The following ADGRB3 variants were observed in gnomAD, a reference collection of about 807,000 sequenced individuals.
The protein encoded by ADGRB3 is brain-specific angiogenesis inhibitor 3.
Under a neutral mutation model 193.4 loss-of-function variants are expected in ADGRB3, and 37 were observed. The observed-to-expected ratio is 0.19, with a 90% CI of 0.15 to 0.25. ADGRB3 has a LOEUF of 0.25. Ranked by LOEUF, ADGRB3 falls within the 10% of genes least tolerant of loss-of-function variation. The pLI is 1.00. For missense variants in ADGRB3, 1,637 were observed against 1,852.9 expected, an observed-to-expected ratio of 0.88 and a Z score of 2.14; for synonymous variants, 690 against 644.2, an observed-to-expected ratio of 1.07 and a Z score of -1.08.
Position 68,643,995 on chromosome 6 carries a change from T to TAAAC in ADGRB3, c.757+4578_757+4581dup, listed in dbSNP as rs905272391. Among the ~76,000 whole-genome samples, 17 of 145,768 alleles carry TAAAC rather than the reference T, an allele frequency of 1.2e-4. 1 individual carries two copies. Among genetic ancestry groups the TAAAC allele is most frequent in the South Asian group, 8.7e-4 (4 of 4,600 alleles). On this transcript the variant is annotated intron_variant, in intron 3 of 31. Coordinates refer to ENST00000370598, the MANE Select transcript of ADGRB3 (RefSeq NM_001704.3). ...AGTTCTTCAAGTAAAATAAAAACAA[T>TAAAC]AAACAAACAAACAAACAACAAACAA... is the stretch of plus-strand genomic sequence containing the variant.
chr6:68,717,357 G>A lies in ADGRB3; in HGVS notation c.757+77925G>A, dbSNP rs548427938. ...CCAATTCAAATTATATTCAATAAAA[G>A]CCTTGGCATTAAAAACGATATGTTT... On this transcript the variant is annotated intron_variant, in intron 3 of 31. Coordinates refer to ENST00000370598, the MANE Select transcript of ADGRB3 (RefSeq NM_001704.3). Among the ~76,000 whole-genome samples the A allele has an allele frequency of 4.6e-5, 7 of 151,684 alleles. No homozygotes were observed. In the South Asian group the frequency reaches 1.5e-3, roughly 31 times the overall value.
chr6:69,256,821 T>G (rs982627819), intron 20 of ADGRB3, among the ~76,000 whole-genome samples: 9 of 152,350 alleles, frequency 5.9e-5, no homozygotes, highest in East Asian at 3.9e-4. Context: ...GCCCATTCTG[T>G]ATGATATTGG....
intron 17 of ADGRB3, among the ~76,000 whole-genome samples, chr6:69,182,689 C>T (rs1223074378): frequency 6.6e-6 from 1 of 152,016 alleles, no homozygotes; most frequent in African/African-American, 2.4e-5. Flanking sequence ...AAACACCTAT[C>T]ATAGAAGTAA....
chr6:69,030,093 T>C (rs973838703), intron 13 of ADGRB3, among the ~76,000 whole-genome samples: 5 of 151,280 alleles, frequency 3.3e-5, no homozygotes, highest in African/African-American at 1.2e-4. Context: ...AGAATGGCAA[T>C]CATTAAAAAG....
At chr6:69,024,896 T>C (rs949155640) in intron 13 of ADGRB3, among the ~76,000 whole-genome samples, 8 of 151,860 alleles carry the variant, frequency 5.3e-5, no homozygotes, top group Middle Eastern at 3.2e-3. Context: ...ATCGAGACCA[T>C]CCTGGCTAAC....
chr6:69,091,649 G>A (rs568956004), intron 17 of ADGRB3, among the ~76,000 whole-genome samples: 3 of 152,222 alleles, frequency 2.0e-5, no homozygotes, highest in Admixed American at 6.5e-5. Context: ...GAGGCTGGCG[G>A]GTGGGAGGAG....
intron 30 of ADGRB3, among the ~76,000 whole-genome samples, chr6:69,377,342 C>T (rs1414333711): frequency 2.6e-5 from 4 of 152,014 alleles, no homozygotes; most frequent in Non-Finnish European, 5.9e-5. Flanking sequence ...CTGTCAGTGG[C>T]CCCTTATTCT....
intron 3 of ADGRB3, among the ~76,000 whole-genome samples, chr6:68,869,787 G>C (rs903469403): frequency 6.6e-6 from 1 of 150,892 alleles, no homozygotes; most frequent in African/African-American, 2.4e-5. Flanking sequence ...GCGGGTGGCG[G>C]GGAGACAGAG....
intron 17 of ADGRB3, among the ~76,000 whole-genome samples, chr6:69,190,904 G>A (rs757669666): frequency 3.3e-5 from 5 of 152,010 alleles, no homozygotes; most frequent in Non-Finnish European, 5.9e-5. Context: ...TATAGCCTGA[G>A]GAATAAGCTG....
At chr6:68,694,919 A>G (rs1411723631) in intron 3 of ADGRB3, among the ~76,000 whole-genome samples, 2 of 151,988 alleles carry the variant, frequency 1.3e-5, no homozygotes, top group Non-Finnish European at 2.9e-5. Context: ...GGGTTTTAGA[A>G]ATCAAAGTCA....
chr6:69,286,485 A>G (rs754656700), intron 20 of ADGRB3, among the ~76,000 whole-genome samples: 3 of 152,210 alleles, frequency 2.0e-5, no homozygotes, highest in Non-Finnish European at 2.9e-5. Context: ...TGTCATATCA[A>G]CAAAGGTTCT....
At chr6:69,042,495 C>T (rs2150299211) in intron 13 of ADGRB3, among the ~76,000 whole-genome samples, 1 of 152,248 alleles carries the variant, frequency 6.6e-6, no homozygotes, top group East Asian at 1.9e-4. Context: ...CTTAGCATTG[C>T]TATGTAAATA....
chr6:68,638,646 T>C lies in ADGRB3; in HGVS notation c.-15-15T>C. The C allele has an allele frequency of 6.4e-7, 1 of 1,569,038 alleles. No homozygotes were observed. The highest frequency in any genetic ancestry group is 8.6e-7 in the Non-Finnish European group (1 of 1,159,206). Reference sequence around the variant, plus strand: ...GACTCCTACTTGCATTTTACTTTCATTGCCATTTTTACAGGCCAAATGACA... The same window carrying C: ...GACTCCTACTTGCATTTTACTTTCACTGCCATTTTTACAGGCCAAATGACA... On this transcript the variant is annotated splice_polypyrimidine_tract_variant and intron_variant, in intron 2 of 31. Transcript: ENST00000370598.
chr6:68,661,077 GT>G (rs1174864762), intron 3 of ADGRB3, among the ~76,000 whole-genome samples: 4 of 150,210 alleles, frequency 2.7e-5, no homozygotes, highest in Non-Finnish European at 4.5e-5. Context: ...ACAAAAAAAT[GT>G]TTTTTGGACC....
intron 16 of ADGRB3, among the ~76,000 whole-genome samples, chr6:69,071,861 G>A (rs1018383591): frequency 3.3e-5 from 5 of 151,938 alleles, no homozygotes; most frequent in African/African-American, 1.2e-4. Flanking sequence ...TCCTCTCACC[G>A]TGTCATTACA....
chr6:68,754,303 TAGC>T (rs1451676462), intron 3 of ADGRB3, among the ~76,000 whole-genome samples: 2 of 152,198 alleles, frequency 1.3e-5, no homozygotes, highest in African/African-American at 4.8e-5. Flanking sequence ...CCTCTGGTCA[TAGC>T]AGGGGAATTT....
At chr6:69,259,695 C>CAAAAAAAAAAAA (rs397887907) in intron 20 of ADGRB3, among the ~76,000 whole-genome samples, 11 of 76,158 alleles carry the variant, frequency 1.4e-4, no homozygotes, top group African/African-American at 5.3e-4. Flanking sequence ...GACTCTGTCT[C>CAAAAAAAAAAAA]AAAAAAAAAA....
intron 3 of ADGRB3, among the ~76,000 whole-genome samples, chr6:68,817,338 T>C (rs1260532340): frequency 9.1e-6 from 1 of 109,758 alleles, no homozygotes; most frequent in Non-Finnish European, 1.7e-5. Context: ...TATATATATA[T>C]ATATATATAT....
At chr6:69,223,907 A>G (rs756842993) in intron 17 of ADGRB3, among the ~76,000 whole-genome samples, 51 of 151,760 alleles carry the variant, frequency 3.4e-4, no homozygotes, top group Non-Finnish European at 6.8e-4. Flanking sequence ...TCTGTCCACC[A>G]TAGCCTCCCA....
Sources: gnomAD v4.1 joint callset for allele counts (sites outside exome capture counted in the v4.1 genomes callset) on GRCh38, gnomAD v4.1.1 for gene constraint, MANE v1.5 for transcripts, NCBI Gene and HGNC (gene_info 2026-07-23, HGNC 2026-07-21) for gene names.